The following IFT80 variants were observed in gnomAD, a reference collection of about 807,000 sequenced individuals.
IFT80 encodes the protein intraflagellar transport protein 80 homolog.
A neutral mutation model predicts 107.9 loss-of-function variants in IFT80; 79 were observed. The ratio of observed to expected loss-of-function variants is 0.73; its 90% CI spans 0.61 to 0.88. The LOEUF (loss-of-function observed/expected upper bound fraction) is 0.88. Ranked by LOEUF, IFT80 falls within the 40% of genes least tolerant of loss-of-function variation. The pLI is 0.00. For synonymous variants in IFT80, 299 were observed against 300.9 expected (o/e 0.99, Z 0.07); for missense variants, 797 against 914.2 (o/e 0.87, Z 1.65).
At chr3:160,280,547 C>G in intron 15 of IFT80, 120 bp downstream of exon 15, 1 of 787,718 alleles carries the variant, frequency 1.3e-6, no homozygotes, top group South Asian at 1.6e-5. Context: ...ACAATTTATT[C>G]ATCAATAAAT....
intron 18 of IFT80, chr3:160,268,836 TTA>T (rs1258446740): frequency 3.1e-6 from 1 of 324,124 alleles, no homozygotes; most frequent in Non-Finnish European, 5.8e-6. Context: ...AGTACAATTG[TTA>T]TGAGTCTTTT....
rs146695877 is a variant in IFT80 at position 160,353,233 on chromosome 3, A to G, written c.777+2780T>C. Among the ~76,000 whole-genome samples the G allele has an allele frequency of 2.3e-3, 354 of 152,140 alleles. 4 individuals carry two copies. Among genetic ancestry groups the G allele is most frequent in the African/African-American group, 7.9e-3 (327 of 41,504 alleles). On this transcript the variant is annotated intron_variant, in intron 8 of 19. Transcript: ENST00000326448. ...TACTACACACCATCCATGGCTCTCT[A>G]CTGACTAATATACTCAATTGCCAAC... is the stretch of plus-strand genomic sequence containing the variant.
At chr3:160,313,867 C>T (rs1717594622) in intron 9 of IFT80, among the ~76,000 whole-genome samples, 1 of 152,078 alleles carries the variant, frequency 6.6e-6, no homozygotes, top group Admixed American at 6.6e-5. Context: ...CTCGGCCTCC[C>T]AAAGTGCTGG....
rs377490185 is a variant in IFT80 at position 160,366,201 on chromosome 3, A to G, written c.440-49T>C. 5 of 1,293,712 alleles carry G rather than the reference A, an allele frequency of 3.9e-6. No individual in the cohort carries two copies. The African/African-American group carries it at 5.9e-5, about 15-fold the overall frequency. The allele number at this position is 1,293,712 out of a possible 1,614,324, so 80.1% of individuals were successfully genotyped here. On this transcript the variant is annotated intron_variant, in intron 5 of 19. Coordinates refer to ENST00000326448, the MANE Select transcript of IFT80 (RefSeq NM_020800.3). The stretch of plus-strand genomic sequence containing the variant: ...AAAAGGCTGATAAACTTTAATTATT[A>G]TGCCTTATAAAAAGAGAGATTGTTA...
chr3:160,370,669 C>G (rs185427237), intron 5 of IFT80, among the ~76,000 whole-genome samples: 21 of 152,214 alleles, frequency 1.4e-4, no homozygotes, highest in African/African-American at 5.1e-4. Flanking sequence ...AATATTTTAG[C>G]CTTTACCTCT....
chr3:160,350,704 A>G (rs1020169449), intron 8 of IFT80, among the ~76,000 whole-genome samples: 13 of 151,930 alleles, frequency 8.6e-5, no homozygotes, highest in African/African-American at 3.1e-4. Flanking sequence ...AGTCCCAGTT[A>G]CTTGTGAGGC....
At chr3:160,320,121 C>T (rs1291258207) in intron 8 of IFT80, 182 bp from the exon 9 acceptor site, 29 of 583,518 alleles carry the variant, frequency 5.0e-5, no homozygotes, top group Non-Finnish European at 8.1e-5. Flanking sequence ...TTGTTGAAGT[C>T]CACAGTAGAA....
At chr3:160,283,113 T>C (rs1714819563) in intron 13 of IFT80, among the ~76,000 whole-genome samples, 2 of 152,318 alleles carry the variant, frequency 1.3e-5, no homozygotes, top group African/African-American at 4.8e-5. Flanking sequence ...GCTTGTAATG[T>C]AGGTATTACT....
At chr3:160,332,652 A>G (rs925937129) in intron 8 of IFT80, among the ~76,000 whole-genome samples, 1 of 152,260 alleles carries the variant, frequency 6.6e-6, no homozygotes, top group Admixed American at 6.5e-5. Flanking sequence ...CATTACATAA[A>G]TAAGAGTTAT....
chr3:160,297,816 G>A (rs1716101890), intron 12 of IFT80, among the ~76,000 whole-genome samples: 1 of 152,036 alleles, frequency 6.6e-6, no homozygotes, highest in Admixed American at 6.6e-5. Context: ...AAAAGCTGGG[G>A]ATATGTGGAT....
At chr3:160,261,721 AGTCTGGCTAT>A (rs1712849496) in intron 19 of IFT80, among the ~76,000 whole-genome samples, 1 of 148,614 alleles carries the variant, frequency 6.7e-6, no homozygotes, top group African/African-American at 2.5e-5. Flanking sequence ...GGATCGCTTG[AGTCTGGCTAT>A]GTTGAGGCCA....
At chr3:160,302,645 A>G (rs1716527902) in intron 11 of IFT80, among the ~76,000 whole-genome samples, 2 of 152,118 alleles carry the variant, frequency 1.3e-5, no homozygotes, top group South Asian at 4.1e-4. Flanking sequence ...ATTTATAAAT[A>G]ATGTATAAAT....
intron 12 of IFT80, among the ~76,000 whole-genome samples, chr3:160,286,095 G>A (rs550466934): frequency 6.6e-6 from 1 of 152,140 alleles, no homozygotes; most frequent in East Asian, 1.9e-4. Flanking sequence ...TTTATTAATG[G>A]TATGGCATTA....
chr3:160,327,626 T>C (rs1718766017), intron 8 of IFT80, among the ~76,000 whole-genome samples: 1 of 152,182 alleles, frequency 6.6e-6, no homozygotes, highest in Non-Finnish European at 1.5e-5. Flanking sequence ...TTGGGAGAAC[T>C]GGCTAGCCAT....
Position 160,307,713 on chromosome 3 carries a change from CA to C in IFT80, c.1025del (p.Leu342Ter). ...EFRDRVIKAS[L>X]NYAHLVVSTS... is the part of the protein sequence containing the mutation. ...TTGAAACAACTAAGTGTGCATAGTTCAAAGATGCTTTAATGACTCTATCACG... is the reference window on the plus strand; with the variant it reads ...TTGAAACAACTAAGTGTGCATAGTTCAAGATGCTTTAATGACTCTATCACG... On this transcript the variant is annotated frameshift_variant, in exon 10 of 20. Transcript: ENST00000326448. LOFTEE classifies it high-confidence loss of function. The C allele has an allele frequency of 1.2e-6, 2 of 1,606,424 alleles. No homozygotes were observed. The highest frequency in any genetic ancestry group is 1.7e-4 in the Middle Eastern group (1 of 6,034).
At chr3:160,358,085 G>A (rs1439429416) in intron 6 of IFT80, among the ~76,000 whole-genome samples, 2 of 152,036 alleles carry the variant, frequency 1.3e-5, no homozygotes, top group Non-Finnish European at 1.5e-5. Flanking sequence ...CAGGGCAACT[G>A]CAGTCTCGAC....
chr3:160,267,125 G>A (rs559841440), intron 19 of IFT80, among the ~76,000 whole-genome samples: 3 of 152,292 alleles, frequency 2.0e-5, no homozygotes, highest in Admixed American at 2.0e-4. Flanking sequence ...GGATCCAGAT[G>A]TCGAAGTTGC....
intron 9 of IFT80, among the ~76,000 whole-genome samples, chr3:160,312,752 A>G (rs1458662666): frequency 7.4e-5 from 3 of 40,672 alleles, no homozygotes; most frequent in Non-Finnish European, 1.2e-4. Flanking sequence ...AATATATAAT[A>G]TATATATAAA....
intron 8 of IFT80, among the ~76,000 whole-genome samples, chr3:160,339,346 A>G (rs1272120544): frequency 6.6e-6 from 1 of 152,230 alleles, no homozygotes; most frequent in East Asian, 1.9e-4. Context: ...AAATGTAAAA[A>G]ATGTCCAAAG....
Sources: allele counts gnomAD v4.1 joint callset (sites outside exome capture counted in the v4.1 genomes callset), GRCh38; gene constraint gnomAD v4.1.1; transcripts MANE v1.5; gene names NCBI Gene and HGNC (gene_info 2026-07-23, HGNC 2026-07-21).